The following JMY variants were observed in gnomAD, a reference collection of about 807,000 sequenced individuals.
JMY encodes junction-mediating and -regulatory protein.
In JMY, 46 loss-of-function variants were observed where a neutral mutation model predicts 103.3. The observed-to-expected ratio is 0.45, with a 90% CI of 0.35 to 0.57. The LOEUF is 0.57. Ranked by LOEUF, JMY falls within the 20% of genes least tolerant of loss-of-function variation. JMY has a pLI of 0.00. For synonymous variants in JMY, 526 were observed against 489.3 expected (o/e 1.07, Z -0.99); for missense variants, 1,238 against 1,255.2 (o/e 0.99, Z 0.21).
chr5:79,251,968 G>T (rs1745100227), intron 1 of JMY, among the ~76,000 whole-genome samples: 1 of 151,784 alleles, frequency 6.6e-6, no homozygotes. Flanking sequence ...TAGAGATGGG[G>T]TTTCTCCATG....
At chr5:79,247,760 C>A (rs1177359565) in intron 1 of JMY, among the ~76,000 whole-genome samples, 4 of 152,102 alleles carry the variant, frequency 2.6e-5, no homozygotes, top group African/African-American at 4.8e-5. Flanking sequence ...TCAAGCAATT[C>A]TCCTGCCTCA....
At chr5:79,305,311 G>T (rs1580367633) in intron 6 of JMY, among the ~76,000 whole-genome samples, 1 of 152,146 alleles carries the variant, frequency 6.6e-6, no homozygotes, top group South Asian at 2.1e-4. Flanking sequence ...AATTAGCCAG[G>T]CGTGATGGCA....
At position 79,277,967 on chromosome 5, in the gene JMY, A is replaced by G. The variant is rs13182512; in HGVS notation, c.1090A>G (p.Met364Val). The G allele has an allele frequency of 6.2e-7, 1 of 1,613,746 alleles. No homozygotes were observed. The highest frequency in any genetic ancestry group is 1.1e-5 in the South Asian group (1 of 91,042). ...SMVELLDLYQ[M>V]EDEAYSSLAE... Reference sequence around the variant, plus strand: ...GGTGGAGCTTCTGGACTTGTATCAGATGGAGGATGAAGCCTACAGCAGCCT... The same window carrying G: ...GGTGGAGCTTCTGGACTTGTATCAGGTGGAGGATGAAGCCTACAGCAGCCT... Residue 364 changes from methionine (M) to valine (V), a missense_variant, in exon 2 of 11, where the codon ATG becomes GTG. Physicochemically the swap from Met to Val is conservative, Grantham distance 21. Coordinates refer to ENST00000396137, the MANE Select transcript of JMY (RefSeq NM_152405.5).
At chr5:79,257,069 G>T (rs79033692) in intron 1 of JMY, among the ~76,000 whole-genome samples, 106 of 149,298 alleles carry the variant, frequency 7.1e-4, no homozygotes, top group Admixed American at 1.5e-3. Context: ...TATTTTATTT[G>T]ATTTTATTTT....
At chr5:79,271,772 T>C (rs777813409) in intron 1 of JMY, among the ~76,000 whole-genome samples, 1 of 152,172 alleles carries the variant, frequency 6.6e-6, no homozygotes, top group Admixed American at 6.6e-5. Flanking sequence ...TGTACACATA[T>C]GATTGTTGTG....
Position 79,323,208 on chromosome 5 carries a change from T to G in JMY, c.*1606T>G, listed in dbSNP as rs1747520512. 1 of 152,288 alleles carries G rather than the reference T, an allele frequency of 6.6e-6. No individual in the cohort carries two copies. Among genetic ancestry groups the G allele is most frequent in the East Asian group, 1.9e-4 (1 of 5,200 alleles). The allele number at this position is 152,288 out of a possible 1,614,324, so 9.4% of individuals were successfully genotyped here. A position where few individuals can be genotyped will look rare whatever the true frequency, so the allele number is the denominator to read the frequency against. On this transcript the variant is annotated 3_prime_UTR_variant, in exon 11 of 11. Coordinates refer to ENST00000396137, the MANE Select transcript of JMY (RefSeq NM_152405.5). The stretch of plus-strand genomic sequence containing the variant: ...CTCAAGCAATCTGCCAGCCTCGGCC[T>G]GCTAAAGTGCTAGGATTATAGGCGT...
Position 79,237,491 on chromosome 5 carries a change from G to A in JMY, c.841G>A (p.Glu281Lys), listed in dbSNP as rs764755143. Residue 281 changes from glutamate (E) to lysine (K), a missense_variant, in exon 1 of 11, where the codon GAA (glutamate) becomes AAA (lysine). Physicochemically the swap from Glu to Lys is moderately conservative, Grantham distance 56. Coordinates refer to ENST00000396137, the MANE Select transcript of JMY (RefSeq NM_152405.5). ...FGGAPEMTEQ[E>K]IDTLCYQLQV... ...GGGCGCCCCCGAGATGACCGAGCAG[G>A]AAATCGACACTCTGTGTTACCAGCT... 21 of 1,613,658 alleles carry A rather than the reference G, an allele frequency of 1.3e-5. No individual in the cohort carries two copies. The highest frequency in any genetic ancestry group is 1.6e-4 in the Middle Eastern group (1 of 6,084).
intron 2 of JMY, chr5:79,284,061 A>ATT: frequency 1.0e-6 from 1 of 958,654 alleles, no homozygotes; most frequent in Non-Finnish European, 1.5e-6. Context: ...TCTTTTTTTT[A>ATT]TTTTTTTATT....
intron 1 of JMY, among the ~76,000 whole-genome samples, chr5:79,275,927 C>T (rs1057091865): frequency 2.0e-5 from 3 of 152,028 alleles, no homozygotes; most frequent in Non-Finnish European, 4.4e-5. Flanking sequence ...CATGATTACA[C>T]ATATGAACTG....
intron 1 of JMY, among the ~76,000 whole-genome samples, chr5:79,257,182 C>T (rs763427826): frequency 6.6e-6 from 1 of 151,838 alleles, no homozygotes; most frequent in Non-Finnish European, 1.5e-5. Flanking sequence ...AAGTGATTCT[C>T]CTGCCTCAGC....
At position 79,300,801 on chromosome 5, in the gene JMY, C is replaced by T. The variant is rs1294786262; in HGVS notation, c.1819C>T (p.Arg607Cys). 7 of 1,610,522 alleles carry T rather than the reference C, an allele frequency of 4.3e-6. No homozygotes were observed. Among genetic ancestry groups the T allele is most frequent in the East Asian group, 2.2e-5 (1 of 44,634 alleles). The change falls in exon 6 of 11, where the codon CGC becomes TGC. Residue 607 changes from arginine to cysteine, a missense_variant. Coordinates refer to ENST00000396137, the MANE Select transcript of JMY (RefSeq NM_152405.5). ...EELQKLQQKA[R>C]QLEARRGRVS... ...GCTGCAGAAACTTCAGCAGAAAGCA[C>T]GCCAGCTGGAAGCAAGACGTGGACG...
chr5:79,245,848 A>C (rs1277563240), intron 1 of JMY, among the ~76,000 whole-genome samples: 1 of 151,438 alleles, frequency 6.6e-6, no homozygotes, highest in Admixed American at 6.6e-5. Flanking sequence ...CTGGTCTTGA[A>C]CTCCTAAACT....
intron 9 of JMY, 58 bp downstream of exon 9, chr5:79,314,909 C>G (rs1747169956): frequency 1.4e-6 from 2 of 1,452,206 alleles, no homozygotes; most frequent in African/African-American, 1.4e-5. Context: ...TAGTAAAAAA[C>G]TATATTTTTT....
chr5:79,310,934 G>A (rs547570772), intron 7 of JMY, among the ~76,000 whole-genome samples: 1 of 152,220 alleles, frequency 6.6e-6, no homozygotes, highest in East Asian at 1.9e-4. Context: ...GGGCCCAGGA[G>A]TTCGAGACCA....
chr5:79,245,421 G>GA (rs113931974), intron 1 of JMY, among the ~76,000 whole-genome samples: 284 of 147,230 alleles, frequency 1.9e-3, no homozygotes, highest in African/African-American at 5.4e-3. Flanking sequence ...GTGCTTCATG[G>GA]AAAAAAAAAA....
At chr5:79,285,012 CTTTA>C (rs1224662653) in intron 2 of JMY, 3 of 780,876 alleles carry the variant, frequency 3.8e-6, no homozygotes, top group Non-Finnish European at 4.1e-6. Flanking sequence ...AATCCAGTGT[CTTTA>C]ATGAGTCAGA....
Position 79,291,178 on chromosome 5 carries a change from C to T in JMY, c.1406C>T (p.Ser469Leu), listed in dbSNP as rs1471687150. The T allele has an allele frequency of 1.2e-6, 2 of 1,612,308 alleles. No individual in the cohort carries two copies. Among genetic ancestry groups the T allele is most frequent in the Non-Finnish European group, 1.7e-6 (2 of 1,179,428 alleles). Residue 469 changes from serine to leucine, a missense_variant, in exon 4 of 11, where the codon TCA becomes TTA. Physicochemically the swap from Ser to Leu is moderately radical, Grantham distance 145. Coordinates refer to ENST00000396137, the MANE Select transcript of JMY (RefSeq NM_152405.5). ...RADQKKFGKA[S>L]WAAAAERMEK... ...GATCAGAAGAAATTTGGTAAAGCAT[C>T]ATGGGCAGCGGCTGCTGAACGGATG... is the stretch of plus-strand genomic sequence containing the variant.
intron 1 of JMY, among the ~76,000 whole-genome samples, chr5:79,270,416 A>T (rs901466320): frequency 1.1e-5 from 1 of 91,896 alleles, no homozygotes; most frequent in Non-Finnish European, 2.2e-5. Context: ...AAATATTTAA[A>T]ATATATATTT....
At chr5:79,294,139 C>T (rs950050358) in intron 4 of JMY, among the ~76,000 whole-genome samples, 2 of 152,174 alleles carry the variant, frequency 1.3e-5, no homozygotes, top group African/African-American at 2.4e-5. Flanking sequence ...CATGGTGGCT[C>T]ACGCCTGTAA....
Sources: allele counts gnomAD v4.1 joint callset (sites outside exome capture counted in the v4.1 genomes callset), GRCh38; gene constraint gnomAD v4.1.1; transcripts MANE v1.5; gene names NCBI Gene and HGNC (gene_info 2026-07-23, HGNC 2026-07-21).